SPATS2L: variants seen among roughly 807,000 people sequenced by gnomAD.
SPATS2L encodes the protein spermatogenesis associated serine rich 2 like.
A neutral mutation model predicts 59.6 loss-of-function variants in SPATS2L; 30 were observed. That is an observed-to-expected ratio of 0.50 (90% CI 0.38 to 0.68). The LOEUF (loss-of-function observed/expected upper bound fraction) is 0.68. SPATS2L is among the 30% of genes least tolerant of loss of function. The pLI is 0.00. For synonymous variants in SPATS2L, 252 were observed against 263.5 expected, an observed-to-expected ratio of 0.96 and a Z score of 0.42; for missense variants, 615 against 700.0, an observed-to-expected ratio of 0.88 and a Z score of 1.37.
intron 1 of SPATS2L, among the ~76,000 whole-genome samples, chr2:200,310,302 C>G (rs888944612): frequency 1.3e-5 from 2 of 152,198 alleles, no homozygotes; most frequent in Non-Finnish European, 2.9e-5. Context: ...GATGTAGGAA[C>G]CATTGCTGAC....
At chr2:200,348,123 G>A (rs766863542) in intron 2 of SPATS2L, among the ~76,000 whole-genome samples, 1 of 152,132 alleles carries the variant, frequency 6.6e-6, no homozygotes, top group Non-Finnish European at 1.5e-5. Flanking sequence ...AATTTAAAAC[G>A]ACTTGTGATA....
At chr2:200,399,416 G>A (rs1046478160) in intron 3 of SPATS2L, among the ~76,000 whole-genome samples, 5 of 152,134 alleles carry the variant, frequency 3.3e-5, no homozygotes, top group Non-Finnish European at 5.9e-5. Context: ...CCTTTTGTAA[G>A]GCTAAATAAT....
At chr2:200,435,370 T>G (rs1278289973) in intron 6 of SPATS2L, among the ~76,000 whole-genome samples, 4 of 151,920 alleles carry the variant, frequency 2.6e-5, no homozygotes, top group Non-Finnish European at 5.9e-5. Context: ...AGGATTAAAT[T>G]AAAATGTATA....
At chr2:200,336,608 T>A (rs1417684524) in intron 2 of SPATS2L, among the ~76,000 whole-genome samples, 3 of 152,208 alleles carry the variant, frequency 2.0e-5, no homozygotes, top group Non-Finnish European at 4.4e-5. Context: ...TCACAGCCAT[T>A]TCTAAAACAG....
chr2:200,429,779 T>C (rs2083799061), intron 6 of SPATS2L, among the ~76,000 whole-genome samples: 1 of 152,132 alleles, frequency 6.6e-6, no homozygotes, highest in Non-Finnish European at 1.5e-5. Context: ...CAAAAGAGAA[T>C]TGCTTACAGG....
At chr2:200,458,087 A>T (rs1413357289) in intron 8 of SPATS2L, among the ~76,000 whole-genome samples, 1 of 152,228 alleles carries the variant, frequency 6.6e-6, no homozygotes, top group South Asian at 2.1e-4. Context: ...TAAGGAACCA[A>T]CTATCATTTT....
intron 2 of SPATS2L, among the ~76,000 whole-genome samples, chr2:200,381,531 C>G (rs1382988967): frequency 6.6e-6 from 1 of 152,182 alleles, no homozygotes; most frequent in African/African-American, 2.4e-5. Flanking sequence ...GCACTGCTGT[C>G]TGCTAAGGGC....
In SPATS2L at chr2:200,439,104, T is replaced by C; in HGVS notation, c.446-18T>C. The stretch of plus-strand genomic sequence containing the variant: ...TTAGTTTATCACTTCACAGTCATTA[T>C]TTGGTGTTTTCTTACAGAAGGCAAC... On this transcript the variant is annotated intron_variant, in intron 6 of 12. Transcript: ENST00000409140. 1 of 1,600,982 alleles carries C rather than the reference T, an allele frequency of 6.2e-7. No individual in the cohort carries two copies. Among genetic ancestry groups the C allele is most frequent in the Non-Finnish European group, 8.6e-7 (1 of 1,168,446 alleles).
intron 2 of SPATS2L, among the ~76,000 whole-genome samples, chr2:200,331,666 C>A (rs1024683792): frequency 1.9e-4 from 29 of 152,128 alleles, no homozygotes; most frequent in African/African-American, 6.5e-4. Flanking sequence ...TCAATTTCTT[C>A]TTGTAAAATG....
At position 200,472,834 on chromosome 2, in the gene SPATS2L, A is replaced by C. The variant is rs766227193; in HGVS notation, c.1063A>C (p.Thr355Pro). ...KAQIMLCGEI[T>P]HPKNNYSSRT... ...CACTGAGCACTTTATTATTGCAGTTACACATCCAAAGAACAACTATTCCTC... is the reference window on the plus strand; with the variant it reads ...CACTGAGCACTTTATTATTGCAGTTCCACATCCAAAGAACAACTATTCCTC... The change falls in exon 12 of 13, where the codon ACA becomes CCA. Residue 355 changes from threonine (T) to proline (P), a missense_variant and splice_region_variant. Coordinates refer to ENST00000409140, the MANE Select transcript of SPATS2L (RefSeq NM_001100423.2). The C allele has an allele frequency of 1.9e-6, 3 of 1,613,820 alleles. No individual in the cohort carries two copies. The highest frequency in any genetic ancestry group is 2.5e-6 in the Non-Finnish European group (3 of 1,179,720).
intron 8 of SPATS2L, among the ~76,000 whole-genome samples, chr2:200,453,380 T>C: frequency 6.6e-6 from 1 of 152,232 alleles, no homozygotes; most frequent in East Asian, 1.9e-4. Context: ...AGCATCTTTG[T>C]TGACAGCTGC....
At chr2:200,432,387 A>G (rs1215764550) in intron 6 of SPATS2L, among the ~76,000 whole-genome samples, 1 of 152,188 alleles carries the variant, frequency 6.6e-6, no homozygotes, top group Non-Finnish European at 1.5e-5. Flanking sequence ...ATTTTAAGGA[A>G]CAGTGCACTA....
chr2:200,452,953 C>G (rs1330333415), intron 8 of SPATS2L, among the ~76,000 whole-genome samples: 1 of 151,920 alleles, frequency 6.6e-6, no homozygotes, highest in Non-Finnish European at 1.5e-5. Context: ...TGTTATAAAA[C>G]CTAAATGCAA....
chr2:200,429,967 A>G (rs946858793), intron 6 of SPATS2L, among the ~76,000 whole-genome samples: 7 of 152,114 alleles, frequency 4.6e-5, no homozygotes, highest in African/African-American at 1.4e-4. Context: ...GATCATTCAG[A>G]TCTCACCTTA....
intron 2 of SPATS2L, among the ~76,000 whole-genome samples, chr2:200,366,169 TCAA>T (rs1250104779): frequency 6.6e-6 from 1 of 152,198 alleles, no homozygotes; most frequent in African/African-American, 2.4e-5. Flanking sequence ...GCACCATAAA[TCAA>T]CAATCATATC....
chr2:200,401,125 G>A (rs774982196), intron 3 of SPATS2L, among the ~76,000 whole-genome samples: 4 of 152,152 alleles, frequency 2.6e-5, no homozygotes, highest in Non-Finnish European at 5.9e-5. Flanking sequence ...CAGTCTGACT[G>A]TTCCACCATG....
chr2:200,449,670 T>C (rs982049590), intron 8 of SPATS2L, among the ~76,000 whole-genome samples: 5 of 152,178 alleles, frequency 3.3e-5, no homozygotes, highest in African/African-American at 9.6e-5. Flanking sequence ...TAGAGTATGG[T>C]CTTTTAAAAA....
chr2:200,452,112 AG>A (rs376033521), intron 8 of SPATS2L, among the ~76,000 whole-genome samples: 8 of 152,290 alleles, frequency 5.3e-5, no homozygotes, highest in African/African-American at 1.9e-4. Context: ...TAACTTTAAA[AG>A]GGGAAGCGGG....
intron 11 of SPATS2L, 60 bp from the exon 12 acceptor site, chr2:200,472,772 G>A (rs975100918): frequency 1.4e-6 from 2 of 1,440,436 alleles, no homozygotes; most frequent in African/African-American, 2.8e-5. Flanking sequence ...TTCCTAATGG[G>A]TTACTGAGGC....
Sources: allele counts gnomAD v4.1 joint callset (sites outside exome capture counted in the v4.1 genomes callset), GRCh38; gene constraint gnomAD v4.1.1; transcripts MANE v1.5; gene names NCBI Gene and HGNC (gene_info 2026-07-23, HGNC 2026-07-21).